Variants in CNTRL observed in about 807,000 individuals in gnomAD.
The protein encoded by CNTRL is 110 kDa centrosomal protein.
CNTRL carries 233 observed loss-of-function variants against 303.7 expected under a neutral mutation model. The observed-to-expected ratio is 0.77, with a 90% CI of 0.69 to 0.86. CNTRL has a LOEUF of 0.86. Among genes scored for constraint, CNTRL ranks in the 40% least tolerant of loss-of-function variants. The pLI, the probability that CNTRL is intolerant of heterozygous loss-of-function variation, is 0.00. For synonymous variants in CNTRL, 900 were observed against 922.2 expected, an observed-to-expected ratio of 0.98 and a Z score of 0.44; for missense variants, 2,524 against 2,650.6, an observed-to-expected ratio of 0.95 and a Z score of 1.05.
At position 121,173,717 on chromosome 9, in the gene CNTRL, CACCGGGAAG is replaced by C; in HGVS notation, c.6732_6740del (p.Glu2245_Arg2247del). 6.2e-7 allele frequency: 1 copy of C among 1,614,128 alleles called. No individual in the cohort carries two copies. The highest frequency in any genetic ancestry group is 1.1e-5 in the South Asian group (1 of 91,076). ...AGAAGCACTCCGGGAGAAACTGCGT[CACCGGGAAG>C]ACCGACTCAAGGTTGCCCTTTAAAA... On this transcript the variant is annotated inframe_deletion, in exon 42 of 44. Coordinates refer to ENST00000373855, the MANE Select transcript of CNTRL (RefSeq NM_007018.6).
At chr9:121,109,853 T>C (rs926802579) in intron 8 of CNTRL, among the ~76,000 whole-genome samples, 1 of 152,156 alleles carries the variant, frequency 6.6e-6, no homozygotes, top group Non-Finnish European at 1.5e-5. Flanking sequence ...CAGTTGAGTA[T>C]TGCATATATA....
rs1255042129 is a variant in CNTRL, at chr9:121,117,958, G to A, written c.1456-388G>A. Among the ~76,000 whole-genome samples, 4 of 150,380 alleles carry A rather than the reference G, an allele frequency of 2.7e-5. No homozygotes were observed. In the East Asian group the frequency reaches 5.8e-4, roughly 22 times the overall value. On this transcript the variant is annotated intron_variant, in intron 11 of 43. Coordinates refer to ENST00000373855, the MANE Select transcript of CNTRL (RefSeq NM_007018.6). ...CGCGCCACTGCACTCCACCCTGGGCGACAGAGCAAGACTCCGTCTCAAAAA... is the reference window on the plus strand; with the variant it reads ...CGCGCCACTGCACTCCACCCTGGGCAACAGAGCAAGACTCCGTCTCAAAAA...
At chr9:121,105,222 G>T (rs773693274) in intron 7 of CNTRL, among the ~76,000 whole-genome samples, 16 of 152,186 alleles carry the variant, frequency 1.1e-4, no homozygotes, top group Non-Finnish European at 2.2e-4. Flanking sequence ...AGTGATCCAG[G>T]TTGGAAACGT....
At chr9:121,108,403 T>C (rs10156476) in intron 8 of CNTRL, among the ~76,000 whole-genome samples, 59,374 of 151,986 alleles carry the variant, frequency 0.39, 12,736 homozygotes, top group South Asian at 0.64. Flanking sequence ...ACTCAGCCCA[T>C]TGAAAACCTT....
intron 11 of CNTRL, among the ~76,000 whole-genome samples, chr9:121,116,473 A>T (rs1467561799): frequency 6.6e-6 from 1 of 152,068 alleles, no homozygotes; most frequent in Non-Finnish European, 1.5e-5. Flanking sequence ...GGCATGTGCC[A>T]TCACTCCCGG....
intron 8 of CNTRL, 146 bp from the exon 9 acceptor site, chr9:121,112,313 A>T (rs1376517166): frequency 2.1e-6 from 1 of 472,052 alleles, no homozygotes; most frequent in Non-Finnish European, 3.5e-6. Context: ...TAGAAGTAAG[A>T]TAAAATGTTC....
intron 9 of CNTRL, 26 bp downstream of exon 9, chr9:121,112,604 T>C: frequency 6.2e-7 from 1 of 1,609,082 alleles, no homozygotes; most frequent in Non-Finnish European, 8.5e-7. Flanking sequence ...TTTTTAGTAA[T>C]CCAAAGTTAA....
At chr9:121,143,824 C>T in intron 19 of CNTRL, 79 bp from the exon 20 acceptor site, 1 of 1,137,374 alleles carries the variant, frequency 8.8e-7, no homozygotes. Flanking sequence ...GAACAGAGTC[C>T]CTACCCTCCT....
chr9:121,106,444 A>C (rs2049478177), intron 7 of CNTRL, among the ~76,000 whole-genome samples: 1 of 152,102 alleles, frequency 6.6e-6, no homozygotes, highest in Non-Finnish European at 1.5e-5. Flanking sequence ...AAAAAGGAAA[A>C]ATCCCTTGGT....
rs1220090755 is a variant in CNTRL, at chr9:121,148,784, G to A, written c.3572G>A (p.Ser1191Asn). 1.9e-6 allele frequency: 3 copies of A among 1,614,116 alleles called. No homozygotes were observed. The highest frequency in any genetic ancestry group is 2.5e-6 in the Non-Finnish European group (3 of 1,180,008). The change falls in exon 24 of 44, where the codon AGT (serine) becomes AAT (asparagine). Residue 1191 changes from serine (S) to asparagine (N), a missense_variant. Physicochemically the swap from Ser to Asn is conservative, Grantham distance 46. Coordinates refer to ENST00000373855, the MANE Select transcript of CNTRL (RefSeq NM_007018.6). Reference sequence around the variant, plus strand: ...GGGCAGCAGGATGGGAAGGAAGGCAGTCAACCTCCCCCTGCCTCAGGATAC... The same window carrying A: ...GGGCAGCAGGATGGGAAGGAAGGCAATCAACCTCCCCCTGCCTCAGGATAC... ...RPGQQDGKEG[S>N]QPPPASGYWV...
At chr9:121,148,541 A>G (rs1396141152) in intron 23 of CNTRL, 131 bp from the exon 24 acceptor site, 6 of 757,134 alleles carry the variant, frequency 7.9e-6, no homozygotes, top group Non-Finnish European at 1.3e-5. Flanking sequence ...TGTGAAAAAT[A>G]AGGATAATGA....
Position 121,135,356 on chromosome 9 carries a change from A to G in CNTRL, c.2026-450A>G, listed in dbSNP as rs551531869. Among the ~76,000 whole-genome samples, 10 of 152,284 alleles carry G rather than the reference A, an allele frequency of 6.6e-5. No homozygotes were observed. In the South Asian group the frequency reaches 1.5e-3, roughly 22 times the overall value. ...TTTTCTAGCTACATAGCCCTGTGCA[A>G]TTTACTTAGATATTCATTCTACAAT... On this transcript the variant is annotated intron_variant, in intron 14 of 43. Transcript: ENST00000373855.
At chr9:121,116,365 A>T (rs895794154) in intron 11 of CNTRL, among the ~76,000 whole-genome samples, 3 of 151,984 alleles carry the variant, frequency 2.0e-5, no homozygotes, top group Admixed American at 1.3e-4. Flanking sequence ...CTTCATAGGC[A>T]TTTTTTTATT....
At position 121,133,915 on chromosome 9, in the gene CNTRL, C is replaced by G. The variant is rs150899659; in HGVS notation, c.2026-1891C>G. Reference sequence around the variant, plus strand: ...TATTTCCTATGAACAAGGACATTTTCTAACATAAACACAGAATAATTATCA... The same window carrying G: ...TATTTCCTATGAACAAGGACATTTTGTAACATAAACACAGAATAATTATCA... On this transcript the variant is annotated intron_variant, in intron 14 of 43. Transcript: ENST00000373855. Among the ~76,000 whole-genome samples the G allele has an allele frequency of 3.1e-4, 47 of 152,280 alleles. No homozygotes were observed. In the East Asian group the frequency reaches 7.9e-3, roughly 26 times the overall value.
rs533256225 is a variant in CNTRL, at chr9:121,074,987, C to G, written c.-285C>G. The G allele has an allele frequency of 1.1e-5, 5 of 455,714 alleles. No individual in the cohort carries two copies. The highest frequency in any genetic ancestry group is 7.8e-5 in the South Asian group (5 of 64,504). 28.2% of individuals were successfully genotyped at this position (455,714 alleles called of 1,614,324 possible). A position where few individuals can be genotyped will look rare whatever the true frequency, so the allele number is the denominator to read the frequency against. On this transcript the variant is annotated 5_prime_UTR_variant, in exon 1 of 44. Coordinates refer to ENST00000373855, the MANE Select transcript of CNTRL (RefSeq NM_007018.6). ...ACAACACAACAAAATGGCTGCCGCGCCGCTGGGCCCCTGAGGAAAGAGCCC... is the reference window on the plus strand; with the variant it reads ...ACAACACAACAAAATGGCTGCCGCGGCGCTGGGCCCCTGAGGAAAGAGCCC...
intron 16 of CNTRL, among the ~76,000 whole-genome samples, chr9:121,139,118 C>T (rs2051360489): frequency 6.6e-6 from 1 of 152,106 alleles, no homozygotes; most frequent in African/African-American, 2.4e-5. Flanking sequence ...GTTTTCACTA[C>T]CCTCTTCTCG....
chr9:121,092,738 A>C (rs1412713067), intron 4 of CNTRL, among the ~76,000 whole-genome samples: 1 of 45,460 alleles, frequency 2.2e-5, no homozygotes, highest in African/African-American at 7.3e-5. Context: ...TATATAATAT[A>C]TATCTATATA....
intron 14 of CNTRL, among the ~76,000 whole-genome samples, chr9:121,127,020 A>C (rs995694071): frequency 1.3e-5 from 2 of 151,984 alleles, no homozygotes; most frequent in Non-Finnish European, 2.9e-5. Flanking sequence ...GGGTTTCTCC[A>C]TGTTGGTCAG....
intron 13 of CNTRL, 119 bp downstream of exon 13, chr9:121,124,203 T>A: frequency 1.2e-6 from 1 of 830,694 alleles, no homozygotes; most frequent in African/African-American, 1.8e-5. Context: ...GTACTAGTAT[T>A]TGATAGGGAA....
Sources: allele counts gnomAD v4.1 joint callset (sites outside exome capture counted in the v4.1 genomes callset), GRCh38; gene constraint gnomAD v4.1.1; transcripts MANE v1.5; gene names NCBI Gene and HGNC (gene_info 2026-07-23, HGNC 2026-07-21).